Variants in RC3H1 observed in about 807,000 individuals in gnomAD.
RC3H1 encodes roquin-1.
A neutral mutation model predicts 138.2 loss-of-function variants in RC3H1; 50 were observed. That is an observed-to-expected ratio of 0.36 (90% CI 0.29 to 0.46). The LOEUF is 0.46. Ranked by LOEUF, RC3H1 falls within the 20% of genes least tolerant of loss-of-function variation. The pLI, the probability that RC3H1 is intolerant of heterozygous loss-of-function variation, is 1.00. For synonymous variants in RC3H1, 462 were observed against 489.1 expected, an observed-to-expected ratio of 0.94 and a Z score of 0.73; for missense variants, 1,031 against 1,388.1, an observed-to-expected ratio of 0.74 and a Z score of 4.09.
intron 1 of RC3H1, among the ~76,000 whole-genome samples, chr1:174,017,182 C>T (rs188476871): frequency 3.3e-5 from 5 of 152,306 alleles, no homozygotes; most frequent in African/African-American, 7.2e-5. Context: ...TTCTTCTATA[C>T]ATTAAGAAAA....
intron 3 of RC3H1, among the ~76,000 whole-genome samples, chr1:173,984,103 T>C (rs1181337998): frequency 6.6e-6 from 1 of 152,220 alleles, no homozygotes; most frequent in Non-Finnish European, 1.5e-5. Context: ...GCATAGCATA[T>C]AAAACTGGAT....
At chr1:173,966,369 C>T (rs1660117686) in intron 9 of RC3H1, among the ~76,000 whole-genome samples, 1 of 152,078 alleles carries the variant, frequency 6.6e-6, no homozygotes, top group African/African-American at 2.4e-5. Flanking sequence ...ATCTTTGTTC[C>T]TCAACAATGA....
chr1:173,998,731 A>G (rs930286926), intron 1 of RC3H1, among the ~76,000 whole-genome samples: 1 of 152,180 alleles, frequency 6.6e-6, no homozygotes, highest in Non-Finnish European at 1.5e-5. Context: ...TATCACTAAT[A>G]TTACCATTTG....
intron 11 of RC3H1, among the ~76,000 whole-genome samples, chr1:173,962,874 T>G (rs919186184): frequency 6.6e-6 from 1 of 152,228 alleles, no homozygotes; most frequent in African/African-American, 2.4e-5. Context: ...TATCATATTT[T>G]GCATGAATTA....
intron 1 of RC3H1, 108 bp from the exon 2 acceptor site, chr1:173,993,243 G>C (rs1661370841): frequency 4.4e-6 from 2 of 454,424 alleles, no homozygotes; most frequent in Admixed American, 3.6e-5. Flanking sequence ...TACCACATTT[G>C]TATCACTGTA....
At chr1:173,947,247 A>C in intron 15 of RC3H1, 122 bp downstream of exon 15, 5 of 687,492 alleles carry the variant, frequency 7.3e-6, no homozygotes, top group Non-Finnish European at 1.2e-5. Flanking sequence ...GATTCCATGG[A>C]AAGTTTGAAA....
chr1:174,012,326 T>C (rs2103097602), intron 1 of RC3H1, among the ~76,000 whole-genome samples: 1 of 152,308 alleles, frequency 6.6e-6, no homozygotes, highest in South Asian at 2.1e-4. Flanking sequence ...CATTTTAGTT[T>C]CTAATTGTTT....
chr1:173,989,659 T>C (rs1302434603), intron 2 of RC3H1, among the ~76,000 whole-genome samples: 1 of 151,930 alleles, frequency 6.6e-6, no homozygotes, highest in Admixed American at 6.5e-5. Context: ...TTTTAGTTCT[T>C]ATATTTAGCC....
chr1:173,946,908 A>G, intron 15 of RC3H1, 72 bp from the exon 16 acceptor site: 1 of 1,064,336 alleles, frequency 9.4e-7, no homozygotes, highest in Non-Finnish European at 1.5e-6. Context: ...ATAATCTGAA[A>G]GACATCAGCG....
At chr1:173,960,898 C>T in intron 13 of RC3H1, 179 bp downstream of exon 13, 1 of 562,006 alleles carries the variant, frequency 1.8e-6, no homozygotes, top group Non-Finnish European at 3.1e-6. Flanking sequence ...ACTCCTAATG[C>T]ATTACATTAC....
chr1:173,968,136 T>G (rs546861944), intron 9 of RC3H1, among the ~76,000 whole-genome samples: 129 of 152,314 alleles, frequency 8.5e-4, no homozygotes, highest in African/African-American at 2.9e-3. Context: ...CATTAATCTA[T>G]CTATTCCTAC....
At chr1:173,993,413 T>C (rs934733317) in intron 1 of RC3H1, among the ~76,000 whole-genome samples, 1 of 80,608 alleles carries the variant, frequency 1.2e-5, no homozygotes, top group Non-Finnish European at 2.0e-5. Context: ...TATCTAAGTC[T>C]TTTTTTTTTT....
chr1:174,021,361 C>T (rs1460183016), intron 1 of RC3H1, among the ~76,000 whole-genome samples: 1 of 152,184 alleles, frequency 6.6e-6, no homozygotes, highest in African/African-American at 2.4e-5. Flanking sequence ...TCCACTCTCA[C>T]CTGGGATGCG....
Position 173,992,858 on chromosome 1 carries a change from T to C in RC3H1, c.128A>G (p.Asn43Ser). 1 of 1,614,180 alleles carries C rather than the reference T, an allele frequency of 6.2e-7. No individual in the cohort carries two copies. The highest frequency in any genetic ancestry group is 8.5e-7 in the Non-Finnish European group (1 of 1,180,034). Residue 43 changes from asparagine to serine, a missense_variant, in exon 2 of 20, where the codon AAT becomes AGT. Around this residue, in one of 7 missense-constraint regions of RC3H1, gnomAD observed 35 missense variants for 69.4 expected, o/e 0.50. Transcript: ENST00000367696. ...TGGGCAAGCCTTGCGGTGGAGTTTA[T>C]TCAGGCACATCTTGCAGACAGTATG... ...CGHTVCKMCL[N>S]KLHRKACPFD...
At chr1:173,983,920 A>C (rs1337247451) in intron 3 of RC3H1, among the ~76,000 whole-genome samples, 1 of 152,202 alleles carries the variant, frequency 6.6e-6, no homozygotes. Context: ...TTAATCATAG[A>C]GGAAGAAAGA....
At chr1:174,003,380 T>C (rs566304413) in intron 1 of RC3H1, among the ~76,000 whole-genome samples, 1 of 121,062 alleles carries the variant, frequency 8.3e-6, no homozygotes, top group African/African-American at 3.8e-5. Flanking sequence ...AGAGCAAGAC[T>C]CCTATCACAC....
At chr1:173,973,322 G>C (rs955212365) in intron 7 of RC3H1, among the ~76,000 whole-genome samples, 1 of 152,154 alleles carries the variant, frequency 6.6e-6, no homozygotes, top group Non-Finnish European at 1.5e-5. Context: ...CAGATCACAA[G>C]ATCAAGAGAT....
At chr1:174,010,557 G>C (rs1661732205) in intron 1 of RC3H1, among the ~76,000 whole-genome samples, 1 of 152,126 alleles carries the variant, frequency 6.6e-6, no homozygotes, top group South Asian at 2.1e-4. Flanking sequence ...TGGACTACAG[G>C]CATGCGCCAT....
At chr1:173,958,100 A>C (rs185570700) in intron 13 of RC3H1, among the ~76,000 whole-genome samples, 6 of 152,302 alleles carry the variant, frequency 3.9e-5, no homozygotes, top group African/African-American at 1.4e-4. Flanking sequence ...TTAGAATCAT[A>C]ATTCTATACA....
Sources: allele counts gnomAD v4.1 joint callset (sites outside exome capture counted in the v4.1 genomes callset), GRCh38; gene constraint gnomAD v4.1.1; regional missense constraint gnomAD v4.1.1; transcripts MANE v1.5; gene names NCBI Gene and HGNC (gene_info 2026-07-23, HGNC 2026-07-21).